Variants in NDUFS4 observed in about 807,000 individuals in gnomAD.
The protein encoded by NDUFS4 is NADH dehydrogenase [ubiquinone] iron-sulfur protein 4, mitochondrial.
Under a neutral mutation model 24.3 loss-of-function variants are expected in NDUFS4, and 28 were observed. The ratio of observed to expected loss-of-function variants is 1.15; its 90% CI spans 0.85 to 1.58. The LOEUF (loss-of-function observed/expected upper bound fraction) is 1.58. Ranked by LOEUF, NDUFS4 falls within the 40% of genes most tolerant of loss-of-function variation. NDUFS4 has a pLI of 0.00. For missense variants in NDUFS4, 223 were observed against 207.9 expected, an observed-to-expected ratio of 1.07 and a Z score of -0.45; for synonymous variants, 93 against 69.7, an observed-to-expected ratio of 1.34 and a Z score of -1.67.
intron 1 of NDUFS4, among the ~76,000 whole-genome samples, chr5:53,588,141 A>G (rs1749827055): frequency 6.6e-6 from 1 of 152,214 alleles, no homozygotes; most frequent in Non-Finnish European, 1.5e-5. Flanking sequence ...TTTCCCAGTG[A>G]TAAAAGTTAT....
At chr5:53,672,922 A>ATTGATTTCCAGTTGAT (rs1740328162) in intron 4 of NDUFS4, among the ~76,000 whole-genome samples, 1 of 152,132 alleles carries the variant, frequency 6.6e-6, no homozygotes, top group Non-Finnish European at 1.5e-5. Context: ...GATAAGTGAC[A>ATTGATTTCCAGTTGAT]TTGATTTCCA....
At chr5:53,647,696 G>A (rs532782708) in intron 3 of NDUFS4, among the ~76,000 whole-genome samples, 41 of 152,232 alleles carry the variant, frequency 2.7e-4, no homozygotes, top group African/African-American at 9.4e-4. Flanking sequence ...ATTGTCATTC[G>A]TATTGAAACT....
intron 1 of NDUFS4, among the ~76,000 whole-genome samples, chr5:53,585,996 G>C (rs748626403): frequency 2.4e-4 from 37 of 152,088 alleles, no homozygotes; most frequent in Middle Eastern, 3.4e-3. Context: ...GCATTGCTTT[G>C]CTGACTAGTA....
intron 3 of NDUFS4, among the ~76,000 whole-genome samples, chr5:53,653,602 G>T (rs1365269982): frequency 6.6e-6 from 1 of 151,880 alleles, no homozygotes; most frequent in African/African-American, 2.4e-5. Flanking sequence ...ACATATAAGC[G>T]AGGAATGTTA....
chr5:53,582,698 A>C (rs1328163224), intron 1 of NDUFS4, among the ~76,000 whole-genome samples: 1 of 152,216 alleles, frequency 6.6e-6, no homozygotes, highest in Non-Finnish European at 1.5e-5. Context: ...TGGCCTGTTT[A>C]CTTGTCTGTG....
At chr5:53,568,804 T>C (rs1482973739) in intron 1 of NDUFS4, among the ~76,000 whole-genome samples, 1 of 152,226 alleles carries the variant, frequency 6.6e-6, no homozygotes, top group Non-Finnish European at 1.5e-5. Context: ...TCTACTCTTT[T>C]GTGTTTGAAT....
intron 2 of NDUFS4, among the ~76,000 whole-genome samples, chr5:53,642,808 C>T (rs1397350919): frequency 6.6e-6 from 1 of 152,058 alleles, no homozygotes; most frequent in Non-Finnish European, 1.5e-5. Context: ...GGCAGGTCAG[C>T]TATCATCTCC....
intron 2 of NDUFS4, chr5:53,604,946 G>C: frequency 2.2e-6 from 1 of 449,138 alleles, no homozygotes; most frequent in Non-Finnish European, 4.5e-6. Context: ...GAGGGGCAGG[G>C]CATGGTGGCT....
At chr5:53,635,188 TAAATAAA>T (rs1751513392) in intron 2 of NDUFS4, among the ~76,000 whole-genome samples, 1 of 109,140 alleles carries the variant, frequency 9.2e-6, no homozygotes, top group East Asian at 2.0e-4. Context: ...AAAACTCTGT[TAAATAAA>T]TAAATAAATA....
chr5:53,630,214 C>A (rs1351887545), intron 2 of NDUFS4, among the ~76,000 whole-genome samples: 2 of 152,216 alleles, frequency 1.3e-5, no homozygotes, highest in African/African-American at 4.8e-5. Context: ...GACCCCTACT[C>A]TCTTCTGGCT....
chr5:53,590,041 A>G (rs1430563708), intron 1 of NDUFS4, among the ~76,000 whole-genome samples: 2 of 152,328 alleles, frequency 1.3e-5, no homozygotes, highest in African/African-American at 4.8e-5. Context: ...GAACTGGAAT[A>G]TGGGTGCCCA....
At chr5:53,605,742 C>T (rs1365270975) in intron 2 of NDUFS4, among the ~76,000 whole-genome samples, 1 of 152,072 alleles carries the variant, frequency 6.6e-6, no homozygotes, top group African/African-American at 2.4e-5. Flanking sequence ...AGGTGGGACG[C>T]AGTGGCTCGT....
chr5:53,640,238 TGAA>T (rs1181797838), intron 2 of NDUFS4, among the ~76,000 whole-genome samples: 1 of 151,862 alleles, frequency 6.6e-6, no homozygotes, highest in African/African-American at 2.4e-5. Flanking sequence ...AGTAGGAACT[TGAA>T]GGGGAACATA....
chr5:53,671,208 C>G (rs1456391385), intron 4 of NDUFS4, among the ~76,000 whole-genome samples: 1 of 152,004 alleles, frequency 6.6e-6, no homozygotes, highest in Non-Finnish European at 1.5e-5. Flanking sequence ...TATAAGAATA[C>G]TCTACTCTTG....
intron 3 of NDUFS4, among the ~76,000 whole-genome samples, chr5:53,651,704 T>C (rs1272653541): frequency 6.6e-6 from 1 of 151,802 alleles, no homozygotes; most frequent in African/African-American, 2.4e-5. Flanking sequence ...ATCCATCCTA[T>C]ACCTAGAATA....
intron 2 of NDUFS4, chr5:53,604,868 C>A (rs750146713): frequency 2.2e-6 from 1 of 456,274 alleles, no homozygotes. Flanking sequence ...GGACTTCATC[C>A]GGTCACCATC....
At chr5:53,620,721 T>A (rs1331832515) in intron 2 of NDUFS4, among the ~76,000 whole-genome samples, 1 of 152,198 alleles carries the variant, frequency 6.6e-6, no homozygotes, top group Non-Finnish European at 1.5e-5. Context: ...AAGGTAAACA[T>A]CATCCTCTGA....
At chr5:53,616,153 A>G (rs554392065) in intron 2 of NDUFS4, among the ~76,000 whole-genome samples, 1 of 151,986 alleles carries the variant, frequency 6.6e-6, no homozygotes, top group African/African-American at 2.4e-5. Context: ...ATCATTCAAG[A>G]TATTTTTTTA....
intron 3 of NDUFS4, among the ~76,000 whole-genome samples, chr5:53,648,757 C>T (rs1382436069): frequency 6.6e-6 from 1 of 152,040 alleles, no homozygotes; most frequent in African/African-American, 2.4e-5. Flanking sequence ...TCCTTTGCAA[C>T]CAAGAAAAAA....
Sources: allele counts gnomAD v4.1 joint callset (sites outside exome capture counted in the v4.1 genomes callset), GRCh38; gene constraint gnomAD v4.1.1; transcripts MANE v1.5; gene names NCBI Gene and HGNC (gene_info 2026-07-23, HGNC 2026-07-21).